TTC28: variants seen among roughly 807,000 people sequenced by gnomAD.
The protein encoded by TTC28 is tetratricopeptide repeat protein 28.
A neutral mutation model predicts 198.0 loss-of-function variants in TTC28; 61 were observed. That is an observed-to-expected ratio of 0.31 (90% confidence interval 0.25 to 0.38). The LOEUF is 0.38. TTC28 is among the 10% of genes least tolerant of loss of function. The probability of loss-of-function intolerance (pLI) is 1.00; values close to 1 mark genes in which losing one functional copy is unlikely to be tolerated. For synonymous variants in TTC28, 1,171 were observed against 1,297.8 expected (o/e 0.90, Z 2.10); for missense variants, 2,678 against 3,164.0 (o/e 0.85, Z 3.69).
intron 2 of TTC28, among the ~76,000 whole-genome samples, chr22:28,346,961 G>A (rs1287448997): frequency 6.6e-6 from 1 of 152,084 alleles, no homozygotes; most frequent in Non-Finnish European, 1.5e-5. Flanking sequence ...ACAAATTAAA[G>A]CTTTTAAAGG....
At chr22:28,226,416 C>G (rs189129591) in intron 5 of TTC28, among the ~76,000 whole-genome samples, 3 of 151,782 alleles carry the variant, frequency 2.0e-5, no homozygotes, top group African/African-American at 4.8e-5. Flanking sequence ...TTTCTGTTCT[C>G]TTCTCTTCTT....
intron 5 of TTC28, among the ~76,000 whole-genome samples, chr22:28,181,435 C>A (rs1188110799): frequency 2.6e-5 from 4 of 152,172 alleles, no homozygotes; most frequent in Non-Finnish European, 4.4e-5. Context: ...CCTCTCCTGG[C>A]TCTATAAATA....
intron 5 of TTC28, among the ~76,000 whole-genome samples, chr22:28,268,975 A>C (rs1265535987): frequency 6.6e-6 from 1 of 152,178 alleles, no homozygotes; most frequent in African/African-American, 2.4e-5. Flanking sequence ...AAAGTACGCT[A>C]TATCTTTAAT....
chr22:28,392,264 C>T (rs1299686355), intron 2 of TTC28, among the ~76,000 whole-genome samples: 14 of 152,002 alleles, frequency 9.2e-5, no homozygotes, highest in East Asian at 3.9e-4. Flanking sequence ...ACAGGGACAT[C>T]TAAGTCTGCA....
intron 8 of TTC28, among the ~76,000 whole-genome samples, chr22:28,101,811 A>AG (rs1942163868): frequency 8.8e-6 from 1 of 113,270 alleles, no homozygotes; most frequent in African/African-American, 3.4e-5. Context: ...AAAAAAAAAA[A>AG]AGAATACTAA....
intron 2 of TTC28, among the ~76,000 whole-genome samples, chr22:28,456,427 C>CA (rs756312827): frequency 2.0e-5 from 3 of 151,756 alleles, no homozygotes; most frequent in Non-Finnish European, 2.9e-5. Context: ...TGTAAAAATA[C>CA]AAAAAAAGTG....
Position 28,536,585 on chromosome 22 carries a change from C to T in TTC28, c.381+92967G>A, listed in dbSNP as rs572914966. Among the ~76,000 whole-genome samples, 162 of 152,202 alleles carry T rather than the reference C, an allele frequency of 1.1e-3. 2 individuals carry two copies. Among genetic ancestry groups the T allele is most frequent in the African/African-American group, 3.6e-3 (148 of 41,546 alleles). On this transcript the variant is annotated intron_variant, in intron 2 of 22. Transcript: ENST00000397906. ...CTTGCAGTGAGCCGAGATTGCGCCA[C>T]TGCACTCCAGCCTGGGCGACAGAGC...
At chr22:28,113,058 T>C (rs1457184778) in intron 6 of TTC28, among the ~76,000 whole-genome samples, 1 of 152,206 alleles carries the variant, frequency 6.6e-6, no homozygotes, top group Non-Finnish European at 1.5e-5. Context: ...GCCTCAGACA[T>C]AGTAAGTGCT....
intron 15 of TTC28, 180 bp from the exon 16 acceptor site, chr22:27,999,440 T>G: frequency 1.1e-6 from 1 of 912,902 alleles, no homozygotes; most frequent in Non-Finnish European, 1.6e-6. Flanking sequence ...GTGCCTAACT[T>G]ACTGAGAATC....
intron 12 of TTC28, among the ~76,000 whole-genome samples, chr22:28,088,903 A>T (rs973211596): frequency 6.6e-6 from 1 of 152,260 alleles, no homozygotes; most frequent in African/African-American, 2.4e-5. Flanking sequence ...GCCAAAACAC[A>T]CGTGAAAAAA....
At chr22:28,589,784 A>C (rs2050390505) in intron 2 of TTC28, among the ~76,000 whole-genome samples, 1 of 152,112 alleles carries the variant, frequency 6.6e-6, no homozygotes, top group Admixed American at 6.5e-5. Context: ...TCACGCCTGT[A>C]ATCCTAGCAC....
chr22:28,240,212 G>A (rs1929567340), intron 5 of TTC28, among the ~76,000 whole-genome samples: 1 of 152,210 alleles, frequency 6.6e-6, no homozygotes, highest in South Asian at 2.1e-4. Context: ...TTGTTTTACA[G>A]TGGTATGAAT....
intron 12 of TTC28, among the ~76,000 whole-genome samples, chr22:28,050,274 T>C (rs1027148222): frequency 3.9e-5 from 6 of 152,098 alleles, no homozygotes; most frequent in Non-Finnish European, 7.4e-5. Flanking sequence ...CAGGGACACA[T>C]TTTCTAAAGG....
At chr22:28,615,429 C>A (rs575755716) in intron 2 of TTC28, among the ~76,000 whole-genome samples, 7 of 152,280 alleles carry the variant, frequency 4.6e-5, no homozygotes, top group Non-Finnish European at 1.0e-4. Context: ...TACCGTTTGA[C>A]CCAGCCATCC....
chr22:27,981,793 T>C lies in TTC28; in HGVS notation c.*428A>G, dbSNP rs951794568. The C allele has an allele frequency of 6.3e-6, 1 of 157,974 alleles. No individual in the cohort carries two copies. Among genetic ancestry groups the C allele is most frequent in the Non-Finnish European group, 1.4e-5 (1 of 72,408 alleles). 9.8% of individuals were successfully genotyped at this position (157,974 alleles called of 1,614,324 possible). ...ACCCCCAACCAGCAACCGAAAGCCT[T>C]AGAAAAAGCTCTATTTGTATTTCTG... On this transcript the variant is annotated 3_prime_UTR_variant, in exon 23 of 23. Transcript: ENST00000397906.
intron 2 of TTC28, among the ~76,000 whole-genome samples, chr22:28,477,911 G>C (rs2048187415): frequency 6.6e-6 from 1 of 152,192 alleles, no homozygotes. Flanking sequence ...TGAAGCCCAA[G>C]ATGCAGGAGA....
intron 5 of TTC28, among the ~76,000 whole-genome samples, chr22:28,169,222 G>T (rs993930132): frequency 3.9e-5 from 6 of 152,304 alleles, no homozygotes; most frequent in African/African-American, 1.4e-4. Flanking sequence ...TACACTGTTG[G>T]TGGGACTGTA....
chr22:28,393,679 G>T (rs544911792), intron 2 of TTC28, among the ~76,000 whole-genome samples: 3 of 152,252 alleles, frequency 2.0e-5, no homozygotes, highest in Admixed American at 6.5e-5. Flanking sequence ...GAGTGACAGA[G>T]GGAGACCCTG....
intron 2 of TTC28, among the ~76,000 whole-genome samples, chr22:28,564,827 T>A (rs2049944994): frequency 6.8e-6 from 1 of 147,922 alleles, no homozygotes; most frequent in Non-Finnish European, 1.5e-5. Context: ...AATTTATATA[T>A]AATTTATAAT....
Sources: allele counts gnomAD v4.1 joint callset (sites outside exome capture counted in the v4.1 genomes callset), GRCh38; gene constraint gnomAD v4.1.1; transcripts MANE v1.5; gene names NCBI Gene and HGNC (gene_info 2026-07-23, HGNC 2026-07-21).